Variants in PLXNA2 observed in about 807,000 individuals in gnomAD.
PLXNA2 encodes the protein plexin-A2.
Under a neutral mutation model 193.5 loss-of-function variants are expected in PLXNA2, and 91 were observed. That is an observed-to-expected ratio of 0.47 (90% CI 0.40 to 0.56). The LOEUF (loss-of-function observed/expected upper bound fraction) is 0.56, where lower values mean the gene tolerates loss of function less well. Ranked by LOEUF, PLXNA2 falls within the 20% of genes least tolerant of loss-of-function variation. The probability of loss-of-function intolerance (pLI) is 0.00; values close to 1 mark genes in which losing one functional copy is unlikely to be tolerated. For synonymous variants in PLXNA2, 997 were observed against 1,027.3 expected, an observed-to-expected ratio of 0.97 and a Z score of 0.56; for missense variants, 1,995 against 2,503.2, an observed-to-expected ratio of 0.80 and a Z score of 4.33.
chr1:208,034,740 T>G lies in PLXNA2; in HGVS notation c.4765-148A>C, dbSNP rs551119496. 2.4e-5 allele frequency: 14 copies of G among 585,072 alleles called. No individual in the cohort carries two copies. In the Admixed American group the frequency reaches 3.5e-4, roughly 15 times the overall value. 36.2% of individuals were successfully genotyped at this position (585,072 alleles called of 1,614,324 possible). A position where few individuals can be genotyped will look rare whatever the true frequency, so the allele number is the denominator to read the frequency against. On this transcript the variant is annotated intron_variant, in intron 26 of 31. Coordinates refer to ENST00000367033, the MANE Select transcript of PLXNA2 (RefSeq NM_025179.4). ...TACCAGAAACAACCATTACTGCTGT[T>G]TTTTGAGCTTTTATTGGGTTAGAGC...
At chr1:208,164,671 GGCTGGGCTGAGTGAAGAA>G (rs1558224248) in intron 3 of PLXNA2, among the ~76,000 whole-genome samples, 1 of 152,338 alleles carries the variant, frequency 6.6e-6, no homozygotes, top group East Asian at 1.9e-4. Flanking sequence ...CTGTTTTAGA[GGCTGGGCTGAGTGAAGAA>G]GCTGGAGCTC....
rs552609770 is a variant in PLXNA2 at position 208,024,954 on chromosome 1, T to C, written c.*2289A>G. 6.5e-6 allele frequency: 1 copy of C among 152,674 alleles called. No individual in the cohort carries two copies. Among genetic ancestry groups the C allele is most frequent in the South Asian group, 2.1e-4 (1 of 4,820 alleles). 9.5% of individuals were successfully genotyped at this position (152,674 alleles called of 1,614,324 possible). On this transcript the variant is annotated 3_prime_UTR_variant, in exon 32 of 32. Coordinates refer to ENST00000367033, the MANE Select transcript of PLXNA2 (RefSeq NM_025179.4). ...CCTTTTATCTCCATAAATTATGGGCTCTGCGCTGATAAGCTTTGAGTGCTA... is the reference window on the plus strand; with the variant it reads ...CCTTTTATCTCCATAAATTATGGGCCCTGCGCTGATAAGCTTTGAGTGCTA...
chr1:208,242,289 G>A (rs1200833879), intron 1 of PLXNA2, among the ~76,000 whole-genome samples: 1 of 152,170 alleles, frequency 6.6e-6, no homozygotes, highest in African/African-American at 2.4e-5. Context: ...TGTGTGGGGA[G>A]AGGGGAGAGC....
At chr1:208,076,011 T>C (rs978621982) in intron 12 of PLXNA2, among the ~76,000 whole-genome samples, 4 of 150,444 alleles carry the variant, frequency 2.7e-5, no homozygotes, top group Non-Finnish European at 5.9e-5. Flanking sequence ...TGAGCCAAGA[T>C]TGCGCCACTG....
Position 208,098,855 on chromosome 1 carries a change from G to A in PLXNA2, c.1722C>T (p.His574=). 1.2e-6 allele frequency: 2 copies of A among 1,613,716 alleles called. No individual in the cohort carries two copies. The highest frequency in any genetic ancestry group is 8.5e-7 in the Non-Finnish European group (1 of 1,179,898). The change falls in exon 6 of 32, where the codon CAC becomes CAT. Residue 574 remains histidine, a synonymous_variant. Coordinates refer to ENST00000367033, the MANE Select transcript of PLXNA2 (RefSeq NM_025179.4). The part of the protein sequence containing the change: ...VHPSSISVSE[H]SRLLSLVVSD... Reference sequence around the variant, plus strand: ...TGGATGAGTTACTTACCAACCGGCTGTGCTCAGATACTGAGATGCTGCTGG... The same window carrying A: ...TGGATGAGTTACTTACCAACCGGCTATGCTCAGATACTGAGATGCTGCTGG...
At chr1:208,047,860 C>A (rs930320006) in intron 17 of PLXNA2, among the ~76,000 whole-genome samples, 2 of 152,246 alleles carry the variant, frequency 1.3e-5, no homozygotes, top group Non-Finnish European at 2.9e-5. Context: ...CGGCTCACTG[C>A]GGCCTTTATG....
At chr1:208,170,657 G>T (rs1669467593) in intron 3 of PLXNA2, among the ~76,000 whole-genome samples, 1 of 152,366 alleles carries the variant, frequency 6.6e-6, no homozygotes, top group Admixed American at 6.5e-5. Flanking sequence ...ATGATTTCAT[G>T]ACCCCAGTGT....
At chr1:208,193,552 T>C (rs1392067258) in intron 3 of PLXNA2, among the ~76,000 whole-genome samples, 1 of 152,216 alleles carries the variant, frequency 6.6e-6, no homozygotes, top group Non-Finnish European at 1.5e-5. Flanking sequence ...ATATGTATAT[T>C]TATGAAAGCT....
chr1:208,044,747 G>C lies in PLXNA2; in HGVS notation c.3640-5C>G, dbSNP rs367938573. On this transcript the variant is annotated splice_region_variant and splice_polypyrimidine_tract_variant and intron_variant, in intron 19 of 31. Coordinates refer to ENST00000367033, the MANE Select transcript of PLXNA2 (RefSeq NM_025179.4). The surrounding 1 kb of genome is among the most constrained non-coding windows in gnomAD (Gnocchi z 4.9). Reference sequence around the variant, plus strand: ...CACCATCCCGCCCACGTGAACCTGTGCATTGTACACATACAGACGCACATG... The same window carrying C: ...CACCATCCCGCCCACGTGAACCTGTCCATTGTACACATACAGACGCACATG... The C allele has an allele frequency of 6.2e-6, 10 of 1,608,566 alleles. No individual in the cohort carries two copies. Among genetic ancestry groups the C allele is most frequent in the Admixed American group, 1.7e-5 (1 of 59,786 alleles).
intron 5 of PLXNA2, among the ~76,000 whole-genome samples, chr1:208,099,379 G>C (rs1267690192): frequency 6.6e-6 from 1 of 152,184 alleles, no homozygotes; most frequent in East Asian, 1.9e-4. Flanking sequence ...ATAGAATTTT[G>C]GGGGAGTTTA....
At chr1:208,124,539 C>T (rs1428161379) in intron 4 of PLXNA2, among the ~76,000 whole-genome samples, 4 of 151,858 alleles carry the variant, frequency 2.6e-5, no homozygotes, top group Admixed American at 2.0e-4. Flanking sequence ...ATTAGCTGGG[C>T]GTGGTGGCGG....
Position 208,038,446 on chromosome 1 carries a change from G to A in PLXNA2, c.4689C>T (p.Val1563=), listed in dbSNP as rs745459207. 1.4e-5 allele frequency: 23 copies of A among 1,614,006 alleles called. No individual in the cohort carries two copies. The highest frequency in any genetic ancestry group is 2.2e-5 in the East Asian group (1 of 44,896). Residue 1563 remains valine (V), a synonymous_variant, in exon 26 of 32, where the codon GTC becomes GTT. Coordinates refer to ENST00000367033, the MANE Select transcript of PLXNA2 (RefSeq NM_025179.4). This position sits in a 1 kb window ranked among gnomAD's most constrained non-coding sequence, Gnocchi z 4.1. ...TGGTGATGTCCTCATCTTGCAGCAC[G>A]ACCCGGGCGATCCGGCCTTGGCGCC... ...LEWRQGRIAR[V]VLQDEDITTK... is the part of the protein sequence containing the mutation.
At chr1:208,182,388 G>A (rs976743042) in intron 3 of PLXNA2, among the ~76,000 whole-genome samples, 10 of 152,106 alleles carry the variant, frequency 6.6e-5, no homozygotes, top group African/African-American at 1.4e-4. Context: ...AGCCCAGATC[G>A]CGCCACTGCA....
intron 4 of PLXNA2, among the ~76,000 whole-genome samples, chr1:208,141,269 A>G (rs1278819874): frequency 6.6e-6 from 1 of 152,066 alleles, no homozygotes; most frequent in Non-Finnish European, 1.5e-5. Flanking sequence ...CTCATCCCTC[A>G]TCCCCTGATT....
In PLXNA2 at chr1:208,144,702, T is replaced by G. The variant is rs1282295336; in HGVS notation, c.1372-2239A>C. On this transcript the variant is annotated intron_variant, in intron 3 of 31. Coordinates refer to ENST00000367033, the MANE Select transcript of PLXNA2 (RefSeq NM_025179.4). ...AACTCTTCTCACCCATTCCTGTGCC[T>G]CATCACTCCCCTTGTGGGACTTTCC... Among the ~76,000 whole-genome samples, 3 of 152,242 alleles carry G rather than the reference T, an allele frequency of 2.0e-5. No individual in the cohort carries two copies. In the East Asian group the frequency reaches 5.8e-4, roughly 29 times the overall value.
At chr1:208,183,687 A>G (rs1470288317) in intron 3 of PLXNA2, among the ~76,000 whole-genome samples, 1 of 152,128 alleles carries the variant, frequency 6.6e-6, no homozygotes, top group Non-Finnish European at 1.5e-5. Context: ...TACCTGGGAA[A>G]CAGATCACCA....
intron 11 of PLXNA2, among the ~76,000 whole-genome samples, chr1:208,080,292 T>C (rs1245149284): frequency 1.3e-5 from 2 of 152,042 alleles, no homozygotes; most frequent in African/African-American, 4.8e-5. Flanking sequence ...GCTATTTAAA[T>C]AGTAACATTT....
At chr1:208,195,226 G>T (rs1346888011) in intron 3 of PLXNA2, among the ~76,000 whole-genome samples, 2 of 152,212 alleles carry the variant, frequency 1.3e-5, no homozygotes, top group Non-Finnish European at 2.9e-5. Context: ...TGATGCCAAA[G>T]CTCACCTTCT....
chr1:208,093,257 G>A (rs1170554267), intron 8 of PLXNA2, among the ~76,000 whole-genome samples: 1 of 152,166 alleles, frequency 6.6e-6, no homozygotes, highest in Admixed American at 6.5e-5. Flanking sequence ...CACAGAATTT[G>A]GCAATGCTGC....
Sources: allele counts gnomAD v4.1 joint callset (sites outside exome capture counted in the v4.1 genomes callset), GRCh38; gene constraint gnomAD v4.1.1; non-coding constraint Gnocchi (gnomAD v3.1); transcripts MANE v1.5; gene names NCBI Gene and HGNC (gene_info 2026-07-23, HGNC 2026-07-21).